Variants in ROBO1 observed in about 807,000 individuals in gnomAD.
ROBO1 encodes the protein roundabout homolog 1.
In ROBO1, 149 loss-of-function variants were observed where a neutral mutation model predicts 195.9. The ratio of observed to expected loss-of-function variants is 0.76; its 90% confidence interval spans 0.67 to 0.87. The LOEUF is 0.87. Ranked by LOEUF, ROBO1 falls within the 40% of genes least tolerant of loss-of-function variation. The probability of loss-of-function intolerance (pLI) is 0.00; values close to 1 mark genes in which losing one functional copy is unlikely to be tolerated. For missense variants in ROBO1, 1,933 were observed against 2,068.3 expected (o/e 0.93, Z 1.27); for synonymous variants, 816 against 733.2 (o/e 1.11, Z -1.82).
chr3:79,367,956 T>C lies in ROBO1; in HGVS notation c.88+221868A>G, dbSNP rs2036038786. Among the ~76,000 whole-genome samples the C allele has an allele frequency of 2.0e-5, 3 of 152,150 alleles. No homozygotes were observed. In the South Asian group the frequency reaches 6.2e-4, roughly 32 times the overall value. On this transcript the variant is annotated intron_variant, in intron 2 of 30. Transcript: ENST00000464233. Reference sequence around the variant, plus strand: ...TAGGTAGGTTTTTTTGTTTGTTTTGTTTTGAGGCAGAGTCTCACTCTGTCA... The same window carrying C: ...TAGGTAGGTTTTTTTGTTTGTTTTGCTTTGAGGCAGAGTCTCACTCTGTCA...
At chr3:79,017,477 G>GTGTGTA (rs1553659488) in intron 3 of ROBO1, among the ~76,000 whole-genome samples, 185 of 151,386 alleles carry the variant, frequency 1.2e-3, no homozygotes, top group Middle Eastern at 3.4e-3. Context: ...GTGTGTGTGT[G>GTGTGTA]TGTGTGTGTG....
chr3:78,698,578 G>C (rs570586936), intron 8 of ROBO1, among the ~76,000 whole-genome samples: 3 of 152,082 alleles, frequency 2.0e-5, no homozygotes, highest in African/African-American at 7.2e-5. Context: ...GGGGAAGAAG[G>C]GGAAGGCAGA....
intron 14 of ROBO1, among the ~76,000 whole-genome samples, chr3:78,666,866 AAATAACC>A (rs1485793378): frequency 6.6e-6 from 1 of 152,160 alleles, no homozygotes. Context: ...GTTTCTATTA[AAATAACC>A]AAGTCTATTT....
intron 22 of ROBO1, among the ~76,000 whole-genome samples, chr3:78,637,456 A>G (rs901680778): frequency 2.6e-5 from 4 of 152,198 alleles, no homozygotes; most frequent in Admixed American, 1.3e-4. Context: ...GATATTGGAC[A>G]TGGTCTACTC....
intron 2 of ROBO1, among the ~76,000 whole-genome samples, chr3:79,573,321 G>C (rs2107755926): frequency 6.6e-6 from 1 of 152,184 alleles, no homozygotes; most frequent in East Asian, 1.9e-4. Flanking sequence ...CAAGTTCTGG[G>C]ATGACAAAAT....
At chr3:78,904,722 GTATA>G (rs974909579) in intron 4 of ROBO1, among the ~76,000 whole-genome samples, 1 of 149,704 alleles carries the variant, frequency 6.7e-6, no homozygotes, top group Admixed American at 6.7e-5. Flanking sequence ...ATATGTATAT[GTATA>G]TATATGCATA....
intron 5 of ROBO1, 136 bp downstream of exon 5, chr3:78,746,607 T>C: frequency 1.6e-6 from 1 of 637,236 alleles, no homozygotes; most frequent in Non-Finnish European, 2.3e-6. Context: ...ATATATTTTT[T>C]AAAAGAAAAG....
At chr3:78,693,604 T>C (rs190847434) in intron 8 of ROBO1, among the ~76,000 whole-genome samples, 67 of 152,288 alleles carry the variant, frequency 4.4e-4, no homozygotes, top group Middle Eastern at 3.4e-3. Context: ...ATGGCAGAGC[T>C]ACAATGAATG....
rs188962899 is a variant in ROBO1 at position 78,993,012 on chromosome 3, T to C, written c.173-54085A>G. 3.1e-4 allele frequency among the ~76,000 whole-genome samples: 47 copies of C among 152,278 alleles called. No individual in the cohort carries two copies. In the East Asian group the frequency reaches 7.3e-3, roughly 24 times the overall value. ...GGCAGAAAAGCTGAACAATATTTTC[T>C]CTAAGTATTTCACAACACTGAGCCA... is the stretch of plus-strand genomic sequence containing the variant. On this transcript the variant is annotated intron_variant, in intron 3 of 30. Transcript: ENST00000464233.
intron 2 of ROBO1, among the ~76,000 whole-genome samples, chr3:79,335,939 T>C (rs1414908214): frequency 6.6e-6 from 1 of 152,192 alleles, no homozygotes; most frequent in African/African-American, 2.4e-5. Context: ...GAGGAACTTC[T>C]TGGGAACTGG....
intron 3 of ROBO1, among the ~76,000 whole-genome samples, chr3:79,098,463 G>C (rs1020342524): frequency 6.6e-6 from 1 of 151,782 alleles, no homozygotes; most frequent in African/African-American, 2.4e-5. Context: ...TGACATATGG[G>C]AGGAATATTC....
rs1946114224 is a variant in ROBO1 at position 79,654,854 on chromosome 3, G to A, written c.-50-64893C>T. ...AACTATTCCTATTTCATCCTTTTCTGTTTGGCTCTGATGATCCACAGTAAT... is the reference window on the plus strand; with the variant it reads ...AACTATTCCTATTTCATCCTTTTCTATTTGGCTCTGATGATCCACAGTAAT... On this transcript the variant is annotated intron_variant, in intron 1 of 30. Transcript: ENST00000464233. Among the ~76,000 whole-genome samples, 5 of 151,620 alleles carry A rather than the reference G, an allele frequency of 3.3e-5. No homozygotes were observed. The South Asian group carries it at 8.3e-4, about 25-fold the overall frequency.
chr3:79,625,550 C>A (rs566171197), intron 1 of ROBO1, among the ~76,000 whole-genome samples: 10 of 150,484 alleles, frequency 6.6e-5, no homozygotes, highest in African/African-American at 2.4e-4. Flanking sequence ...CACAGTAATA[C>A]AAACTACTAT....
At chr3:79,688,359 A>T (rs1294124081) in intron 1 of ROBO1, among the ~76,000 whole-genome samples, 2 of 152,096 alleles carry the variant, frequency 1.3e-5, no homozygotes, top group African/African-American at 4.8e-5. Context: ...CCTAAAACTT[A>T]AAGTATAATT....
At chr3:79,565,623 A>G (rs1943065182) in intron 2 of ROBO1, among the ~76,000 whole-genome samples, 1 of 152,062 alleles carries the variant, frequency 6.6e-6, no homozygotes, top group Non-Finnish European at 1.5e-5. Context: ...CAAAATAGGA[A>G]AGAAACCGCC....
intron 2 of ROBO1, among the ~76,000 whole-genome samples, chr3:79,216,524 G>A (rs558705688): frequency 5.1e-4 from 77 of 152,044 alleles, no homozygotes; most frequent in African/African-American, 1.3e-3. Flanking sequence ...GTAATGTTAC[G>A]TTGAGTTTCC....
intron 3 of ROBO1, among the ~76,000 whole-genome samples, chr3:78,987,500 G>A (rs1188595943): frequency 6.6e-6 from 1 of 151,880 alleles, no homozygotes; most frequent in African/African-American, 2.4e-5. Flanking sequence ...CCTTCCTTTA[G>A]GCAGATATTT....
chr3:79,671,410 T>C (rs1421254317), intron 1 of ROBO1, among the ~76,000 whole-genome samples: 2 of 151,472 alleles, frequency 1.3e-5, no homozygotes, highest in African/African-American at 4.8e-5. Context: ...TACCAGGGAG[T>C]CTCTTTTTCT....
At chr3:79,018,592 T>G in intron 3 of ROBO1, 2 of 1,488,490 alleles carry the variant, frequency 1.3e-6, no homozygotes, top group African/African-American at 1.4e-5. Context: ...TAGCCAAGAG[T>G]TTTCAGGGCA....
Sources: gnomAD v4.1 joint callset for allele counts (sites outside exome capture counted in the v4.1 genomes callset) on GRCh38, gnomAD v4.1.1 for gene constraint, MANE v1.5 for transcripts, NCBI Gene and HGNC (gene_info 2026-07-23, HGNC 2026-07-21) for gene names.